The following NFATC1 variants were observed in gnomAD, a reference collection of about 807,000 sequenced individuals.
The protein encoded by NFATC1 is nuclear factor of activated T cells 1, also known as nuclear factor of activated T-cells, cytoplasmic 1.
NFATC1 carries 22 observed loss-of-function variants against 76.0 expected under a neutral mutation model. That is an observed-to-expected ratio of 0.29 (90% CI 0.21 to 0.41). NFATC1 has a LOEUF of 0.41. NFATC1 is among the 10% of genes least tolerant of loss of function. The pLI is 1.00. For missense variants in NFATC1, 1,357 were observed against 1,337.7 expected, an observed-to-expected ratio of 1.01 and a Z score of -0.23; for synonymous variants, 704 against 613.1, an observed-to-expected ratio of 1.15 and a Z score of -2.19.
chr18:79,504,070 C>T (rs937160506), intron 9 of NFATC1, among the ~76,000 whole-genome samples: 1 of 152,184 alleles, frequency 6.6e-6, no homozygotes, highest in Admixed American at 6.5e-5. Flanking sequence ...CTGTCCAGAT[C>T]ACTCGGACTT....
At chr18:79,417,885 A>C (rs2085933023) in intron 2 of NFATC1, among the ~76,000 whole-genome samples, 1 of 116,180 alleles carries the variant, frequency 8.6e-6, no homozygotes, top group East Asian at 2.7e-4. Flanking sequence ...GCTGGGCAGG[A>C]GATGGGCTGT....
intron 9 of NFATC1, among the ~76,000 whole-genome samples, chr18:79,513,580 C>T (rs900290187): frequency 2.0e-5 from 3 of 152,262 alleles, no homozygotes; most frequent in African/African-American, 7.2e-5. Flanking sequence ...TTCCCGCCGG[C>T]GGGGGCGTGG....
intron 3 of NFATC1, among the ~76,000 whole-genome samples, chr18:79,446,922 C>T (rs546682028): frequency 3.0e-4 from 46 of 152,332 alleles, no homozygotes; most frequent in African/African-American, 1.1e-3. Context: ...AGACCCCAAA[C>T]GCCCCTTCGA....
chr18:79,415,168 T>C (rs1026643584), intron 2 of NFATC1, among the ~76,000 whole-genome samples: 2 of 152,208 alleles, frequency 1.3e-5, no homozygotes, highest in African/African-American at 4.8e-5. Context: ...AGACAGTCTC[T>C]GGAGTTGCCT....
At chr18:79,400,280 G>A (rs2148126005) in intron 1 of NFATC1, 5 of 1,199,966 alleles carry the variant, frequency 4.2e-6, no homozygotes, top group East Asian at 7.4e-5. Flanking sequence ...GGGCGGGGAC[G>A]GGGGGAGGGG....
intron 9 of NFATC1, among the ~76,000 whole-genome samples, chr18:79,499,352 T>TCACA (rs3085264): frequency 4.0e-5 from 6 of 151,810 alleles, no homozygotes; most frequent in Admixed American, 1.3e-4. Flanking sequence ...TGTGAGTGTG[T>TCACA]CACACACACA....
At chr18:79,497,742 A>T (rs943435019) in intron 9 of NFATC1, 6 of 151,624 alleles carry the variant, frequency 4.0e-5, no homozygotes, top group Non-Finnish European at 5.9e-5. Flanking sequence ...TGAGAGGTAA[A>T]GCTGCCTGTG....
intron 2 of NFATC1, among the ~76,000 whole-genome samples, chr18:79,429,530 T>G (rs1022503700): frequency 6.6e-6 from 1 of 152,160 alleles, no homozygotes; most frequent in Non-Finnish European, 1.5e-5. Flanking sequence ...GACCCCCGAC[T>G]GAAGCACGCC....
In NFATC1 at chr18:79,410,345, G is replaced by A; in HGVS notation, c.128-58G>A. On this transcript the variant is annotated intron_variant, in intron 1 of 9. Coordinates refer to ENST00000427363, the MANE Select transcript of NFATC1 (RefSeq NM_001278669.2). This position sits in a 1 kb window ranked among gnomAD's most constrained non-coding sequence, Gnocchi z 6.7. ...TTGCTGGCCGGCCCTGAGTTCATGGGTTTCTGCTTTGTGATGCCCAGCCCC... is the reference window on the plus strand; with the variant it reads ...TTGCTGGCCGGCCCTGAGTTCATGGATTTCTGCTTTGTGATGCCCAGCCCC... 1 of 1,547,770 alleles carries A rather than the reference G, an allele frequency of 6.5e-7. No homozygotes were observed. The highest frequency in any genetic ancestry group is 1.4e-5 in the African/African-American group (1 of 73,584).
intron 8 of NFATC1, among the ~76,000 whole-genome samples, chr18:79,483,032 G>GGTT (rs1555915645): frequency 2.6e-5 from 3 of 117,526 alleles, no homozygotes; most frequent in African/African-American, 9.6e-5. Flanking sequence ...CTGGTTCCTG[G>GGTT]GTAATTCCAG....
At position 79,411,191 on chromosome 18, in the gene NFATC1, C is replaced by G. The variant is rs753191158; in HGVS notation, c.916C>G (p.Gln306Glu). Reference sequence around the variant, plus strand: ...CGACTCGTGGTTGGGCAACACCACCCAGTACACCAGCTCGGCCATCGTGGC... The same window carrying G: ...CGACTCGTGGTTGGGCAACACCACCGAGTACACCAGCTCGGCCATCGTGGC... ...TDDSWLGNTTQYTSSAIVAAI... is the reference protein window; with the variant it reads ...TDDSWLGNTTEYTSSAIVAAI... The change falls in exon 2 of 10, where the codon CAG becomes GAG. Residue 306 changes from glutamine to glutamate, a missense_variant. Coordinates refer to ENST00000427363, the MANE Select transcript of NFATC1 (RefSeq NM_001278669.2). 6.2e-7 allele frequency: 1 copy of G among 1,611,236 alleles called. No individual in the cohort carries two copies. The highest frequency in any genetic ancestry group is 8.5e-7 in the Non-Finnish European group (1 of 1,179,876).
At chr18:79,427,537 G>C (rs1467201332) in intron 2 of NFATC1, among the ~76,000 whole-genome samples, 6 of 105,490 alleles carry the variant, frequency 5.7e-5, no homozygotes, top group Admixed American at 2.8e-4. Flanking sequence ...TGCAGTGGGT[G>C]GGGGGAGCTG....
rs964264540 is a variant in NFATC1 at position 79,449,090 on chromosome 18, G to T, written c.1589+106G>T. On this transcript the variant is annotated intron_variant, in intron 4 of 9. Transcript: ENST00000427363. ...CCAGCCCCCCGCACTTCCAGGCTGC[G>T]TGGCCAGGACACTTTTGGTTTAACA... 54 of 1,114,956 alleles carry T rather than the reference G, an allele frequency of 4.8e-5. No individual in the cohort carries two copies. The South Asian group carries it at 8.4e-4, about 17-fold the overall frequency. The allele number at this position is 1,114,956 out of a possible 1,614,324, so 69.1% of individuals were successfully genotyped here. A position where few individuals can be genotyped will look rare whatever the true frequency, so the allele number is the denominator to read the frequency against.
Position 79,411,990 on chromosome 18 carries a change from G to T in NFATC1, c.1226+489G>T, listed in dbSNP as rs146215732. On this transcript the variant is annotated intron_variant, in intron 2 of 9. Coordinates refer to ENST00000427363, the MANE Select transcript of NFATC1 (RefSeq NM_001278669.2). ...CTCCCCTGCAGTAATTGCCTTCCCTGCCTCGGGTGCAGATGGGACCGCAGC... is the reference window on the plus strand; with the variant it reads ...CTCCCCTGCAGTAATTGCCTTCCCTTCCTCGGGTGCAGATGGGACCGCAGC... Among the ~76,000 whole-genome samples, 22 of 152,344 alleles carry T rather than the reference G, an allele frequency of 1.4e-4. No individual in the cohort carries two copies. In the East Asian group the frequency reaches 3.5e-3, roughly 24 times the overall value.
intron 6 of NFATC1, among the ~76,000 whole-genome samples, chr18:79,457,187 TTC>T (rs2087779554): frequency 6.6e-6 from 1 of 152,052 alleles, no homozygotes; most frequent in Non-Finnish European, 1.5e-5. Context: ...ACCCCCAGGC[TTC>T]TCTGTTTGCT....
chr18:79,411,718 C>T (rs1362287571), intron 2 of NFATC1, among the ~76,000 whole-genome samples: 2 of 152,212 alleles, frequency 1.3e-5, no homozygotes, highest in Non-Finnish European at 2.9e-5. Flanking sequence ...CTCGCCTCTG[C>T]CTCCGTCTGC....
Position 79,410,687 on chromosome 18 carries a change from G to A in NFATC1, c.412G>A (p.Asp138Asn), listed in dbSNP as rs775904780. The change falls in exon 2 of 10, where the codon GAT (aspartate) becomes AAT (asparagine). Residue 138 changes from aspartate to asparagine, a missense_variant. Asp to Asn is a conservative substitution (Grantham distance 23). Transcript: ENST00000427363. The surrounding 1 kb of genome is among the most constrained non-coding windows in gnomAD (Gnocchi z 6.7). ...CCACAACAATAACCAGTTTTTCCACGATGTGGAGGTGGAAGACGTCCTCCC... is the reference window on the plus strand; with the variant it reads ...CCACAACAATAACCAGTTTTTCCACAATGTGGAGGTGGAAGACGTCCTCCC... Reference protein sequence around the residue: ...LYHNNNQFFHDVEVEDVLPSS... With the variant: ...LYHNNNQFFHNVEVEDVLPSS... The A allele has an allele frequency of 1.9e-5, 31 of 1,612,910 alleles. No individual in the cohort carries two copies. Among genetic ancestry groups the A allele is most frequent in the East Asian group, 6.7e-5 (3 of 44,874 alleles).
At chr18:79,504,174 G>A (rs564708479) in intron 9 of NFATC1, among the ~76,000 whole-genome samples, 2 of 152,176 alleles carry the variant, frequency 1.3e-5, no homozygotes, top group African/African-American at 2.4e-5. Flanking sequence ...AGAGTTTTCC[G>A]CTGCATTCAC....
intron 3 of NFATC1, among the ~76,000 whole-genome samples, chr18:79,446,223 C>T (rs1382761017): frequency 6.6e-6 from 1 of 152,112 alleles, no homozygotes; most frequent in Non-Finnish European, 1.5e-5. Context: ...CAGGTGAAAC[C>T]TTAAATATTC....
Sources: allele counts gnomAD v4.1 joint callset (sites outside exome capture counted in the v4.1 genomes callset), GRCh38; gene constraint gnomAD v4.1.1; non-coding constraint Gnocchi (gnomAD v3.1); transcripts MANE v1.5; gene names NCBI Gene and HGNC (gene_info 2026-07-23, HGNC 2026-07-21).